PRIMPOL: variants seen among roughly 807,000 people sequenced by gnomAD.
The protein encoded by PRIMPOL is primase and DNA directed polymerase.
Under a neutral mutation model 63.6 loss-of-function variants are expected in PRIMPOL, and 54 were observed. The observed-to-expected ratio is 0.85, with a 90% CI of 0.68 to 1.07. The LOEUF is 1.07. Ranked by LOEUF, PRIMPOL falls within the 50% of genes least tolerant of loss-of-function variation. PRIMPOL has a pLI of 0.00. For missense variants in PRIMPOL, 610 were observed against 648.3 expected, an observed-to-expected ratio of 0.94 and a Z score of 0.64; for synonymous variants, 197 against 220.2, an observed-to-expected ratio of 0.89 and a Z score of 0.93.
At chr4:184,672,545 G>A (rs72689277) in intron 7 of PRIMPOL, 85 bp downstream of exon 7, 158,743 of 1,354,224 alleles carry the variant, frequency 0.12, 10,203 homozygotes, top group Middle Eastern at 0.13. Context: ...CACCGTGCTC[G>A]GGATTCTTGC....
chr4:184,650,074 T>TCTTC (rs1743733984), intron 1 of PRIMPOL, among the ~76,000 whole-genome samples, 166 bp downstream of exon 1: 1 of 152,224 alleles, frequency 6.6e-6, no homozygotes, highest in Admixed American at 6.5e-5. Flanking sequence ...CTGTGGACGC[T>TCTTC]CTTTCGATCA....
chr4:184,659,762 CT>C (rs1466784695), intron 4 of PRIMPOL, among the ~76,000 whole-genome samples: 1 of 152,132 alleles, frequency 6.6e-6, no homozygotes, highest in Non-Finnish European at 1.5e-5. Context: ...AATGAAATAT[CT>C]GCTTTATCTT....
chr4:184,653,833 G>A (rs1025477714), intron 2 of PRIMPOL, among the ~76,000 whole-genome samples: 1 of 152,210 alleles, frequency 6.6e-6, no homozygotes, highest in African/African-American at 2.4e-5. Context: ...CCAGAGGGGA[G>A]GGATGAGGAA....
chr4:184,665,594 C>T (rs1255666876), intron 5 of PRIMPOL, among the ~76,000 whole-genome samples: 1 of 151,026 alleles, frequency 6.6e-6, no homozygotes, highest in African/African-American at 2.4e-5. Context: ...ATCTCCGCCT[C>T]CTGGGTTCAG....
chr4:184,682,316 T>C lies in PRIMPOL; in HGVS notation c.1076T>C (p.Phe359Ser), dbSNP rs922614224. The stretch of plus-strand genomic sequence containing the variant: ...AATAAACAAAAAGGAGTTGGATATT[T>C]TAACAGTATCGGCACTTCAGGTAAA... ...SQNKQKGVGY[F>S]NSIGTSVETI... Residue 359 changes from phenylalanine (F) to serine (S), a missense_variant, in exon 9 of 14, where the codon TTT becomes TCT. By Grantham distance (155) the Phe-to-Ser change is radical. Coordinates refer to ENST00000314970, the MANE Select transcript of PRIMPOL (RefSeq NM_152683.4). 3.8e-6 allele frequency: 6 copies of C among 1,594,016 alleles called. No homozygotes were observed. The East Asian group carries it at 1.3e-4, about 36-fold the overall frequency.
intron 11 of PRIMPOL, among the ~76,000 whole-genome samples, chr4:184,690,807 A>G (rs533630116): frequency 3.9e-4 from 60 of 152,296 alleles, no homozygotes; most frequent in African/African-American, 1.4e-3. Flanking sequence ...CATTTCACAT[A>G]TTTTAATATG....
chr4:184,688,214 C>G (rs544969509), intron 11 of PRIMPOL, among the ~76,000 whole-genome samples: 1 of 152,172 alleles, frequency 6.6e-6, no homozygotes, highest in Non-Finnish European at 1.5e-5. Flanking sequence ...GGAATATGCA[C>G]ATAATTAATT....
chr4:184,680,065 G>A (rs972997436), intron 8 of PRIMPOL, among the ~76,000 whole-genome samples: 5 of 152,166 alleles, frequency 3.3e-5, no homozygotes, highest in African/African-American at 4.8e-5. Flanking sequence ...CTTAAGTGAG[G>A]ACTTAACTGT....
At chr4:184,656,372 TA>T (rs1426421462) in intron 2 of PRIMPOL, among the ~76,000 whole-genome samples, 1 of 152,184 alleles carries the variant, frequency 6.6e-6, no homozygotes, top group East Asian at 1.9e-4. Flanking sequence ...GTTTTTAATC[TA>T]GAGTGAAAGT....
intron 5 of PRIMPOL, 57 bp downstream of exon 5, chr4:184,661,960 A>G (rs1748473137): frequency 4.7e-6 from 7 of 1,486,370 alleles, no homozygotes; most frequent in Non-Finnish European, 6.5e-6. Flanking sequence ...TGGCTTATTC[A>G]TTCAGTGAAT....
intron 13 of PRIMPOL, among the ~76,000 whole-genome samples, chr4:184,692,753 A>G (rs1399933743): frequency 6.6e-6 from 1 of 152,132 alleles, no homozygotes; most frequent in African/African-American, 2.4e-5. Context: ...CAGATAATTT[A>G]TGAGAGCACC....
At chr4:184,689,446 C>CTTTTTT (rs70962517) in intron 11 of PRIMPOL, among the ~76,000 whole-genome samples, 3 of 50,264 alleles carry the variant, frequency 6.0e-5, no homozygotes, top group African/African-American at 2.5e-4. Context: ...GTTAATGGTG[C>CTTTTTT]TTTTTTTTTT....
Position 184,691,473 on chromosome 4 carries a change from CTTTTTTT to C in PRIMPOL, c.1296-17_1296-11del. On this transcript the variant is annotated intron_variant, in intron 11 of 13. Transcript: ENST00000314970. ...TTTCTACCCAGTCTTGGTATTAATA[CTTTTTTT>C]TTTTTTTTAAACATAAAGGATTCTG... 1 of 1,211,720 alleles carries C rather than the reference CTTTTTTT, an allele frequency of 8.3e-7. No homozygotes were observed. The highest frequency in any genetic ancestry group is 1.2e-6 in the Non-Finnish European group (1 of 856,418). The allele number at this position is 1,211,720 out of a possible 1,614,324, so 75.1% of individuals were successfully genotyped here.
chr4:184,671,888 G>A (rs1241507449), intron 6 of PRIMPOL, among the ~76,000 whole-genome samples: 3 of 151,102 alleles, frequency 2.0e-5, no homozygotes, highest in South Asian at 2.1e-4. Flanking sequence ...GATTACAGGC[G>A]CACCACCACG....
intron 11 of PRIMPOL, among the ~76,000 whole-genome samples, chr4:184,689,744 A>G (rs1480116522): frequency 2.6e-5 from 4 of 151,896 alleles, no homozygotes; most frequent in East Asian, 1.9e-4. Context: ...GCGAGCCACC[A>G]TGCCCGGCCT....
At chr4:184,656,071 C>T (rs1429624545) in intron 2 of PRIMPOL, among the ~76,000 whole-genome samples, 2 of 152,292 alleles carry the variant, frequency 1.3e-5, no homozygotes, top group South Asian at 4.1e-4. Context: ...TGGCCCAGCT[C>T]ACATATCAGA....
chr4:184,679,934 G>A (rs781092762), intron 8 of PRIMPOL, among the ~76,000 whole-genome samples: 1 of 152,120 alleles, frequency 6.6e-6, no homozygotes, highest in Non-Finnish European at 1.5e-5. Flanking sequence ...CCGGTTCCTG[G>A]TGCCAGAAAG....
At chr4:184,650,391 CT>C (rs1305926542) in intron 1 of PRIMPOL, among the ~76,000 whole-genome samples, 1 of 152,238 alleles carries the variant, frequency 6.6e-6, no homozygotes, top group Non-Finnish European at 1.5e-5. Context: ...CTGTTGGGAG[CT>C]GCCGAAGGCC....
chr4:184,691,322 TTG>T lies in PRIMPOL; in HGVS notation c.1296-172_1296-171del, dbSNP rs1758460925. ...TCTACTTTTTGCCCTGCAGTTCATT[TTG>T]TGTGATTTTTGGCAACCACCGTTTT... On this transcript the variant is annotated intron_variant, in intron 11 of 13. Coordinates refer to ENST00000314970, the MANE Select transcript of PRIMPOL (RefSeq NM_152683.4). 8 of 522,954 alleles carry T rather than the reference TTG, an allele frequency of 1.5e-5. No individual in the cohort carries two copies. The South Asian group carries it at 2.1e-4, about 14-fold the overall frequency. The allele number at this position is 522,954 out of a possible 1,614,324, so 32.4% of individuals were successfully genotyped here.
Sources: allele counts gnomAD v4.1 joint callset (sites outside exome capture counted in the v4.1 genomes callset), GRCh38; gene constraint gnomAD v4.1.1; transcripts MANE v1.5; gene names NCBI Gene and HGNC (gene_info 2026-07-23, HGNC 2026-07-21).